The following RAPGEF3 variants were observed in gnomAD, a reference collection of about 807,000 sequenced individuals.
RAPGEF3 encodes 9330170P05Rik.
In RAPGEF3, 103 loss-of-function variants were observed where a neutral mutation model predicts 129.8. The observed-to-expected ratio is 0.79, with a 90% CI of 0.68 to 0.93. RAPGEF3 has a LOEUF of 0.93. Among genes scored for constraint, RAPGEF3 ranks in the 40% least tolerant of loss-of-function variants. The pLI, the probability that RAPGEF3 is intolerant of heterozygous loss-of-function variation, is 0.00. For synonymous variants in RAPGEF3, 436 were observed against 482.6 expected, an observed-to-expected ratio of 0.90 and a Z score of 1.26; for missense variants, 1,117 against 1,207.4, an observed-to-expected ratio of 0.93 and a Z score of 1.11.
intron 2 of RAPGEF3, chr12:47,752,942 C>T (rs74088046): frequency 0.028 from 4,321 of 152,248 alleles, 95 homozygotes; most frequent in East Asian, 0.13. Context: ...CGGGCCTGTA[C>T]GCCCTGGAAT....
chr12:47,748,942 G>A lies in RAPGEF3; in HGVS notation c.1042-11C>T, dbSNP rs1191203502. 3 of 1,593,024 alleles carry A rather than the reference G, an allele frequency of 1.9e-6. No individual in the cohort carries two copies. In the Admixed American group the frequency reaches 5.0e-5, roughly 27 times the overall value. On this transcript the variant is annotated splice_polypyrimidine_tract_variant and intron_variant, in intron 10 of 27. Coordinates refer to ENST00000449771, the MANE Select transcript of RAPGEF3 (RefSeq NM_001098531.4). ...CTTTGCCTCCACATCCTGGAGAACA[G>A]GCCACATCCCATGCTCAACTCATGA...
rs375297238 is a variant in RAPGEF3, at chr12:47,751,164, G to C, written c.555C>G (p.Pro185=). ...TTCTCACGGGCTCGGGCTCGGGCCC[G>C]GGGAACCGGTAGAATTGGGCATCTC... The part of the protein sequence containing the change: ...QDRDAQFYRF[P]GPEPEPVRTH... Residue 185 remains proline, a synonymous_variant, in exon 6 of 28, where the codon CCC becomes CCG. Transcript: ENST00000449771. 1.3e-6 allele frequency: 2 copies of C among 1,555,416 alleles called. No individual in the cohort carries two copies. Among genetic ancestry groups the C allele is most frequent in the Non-Finnish European group, 1.7e-6 (2 of 1,149,416 alleles).
In RAPGEF3 at chr12:47,749,449, G is replaced by A. The variant is rs766946867; in HGVS notation, c.982C>T (p.Arg328Ter). Residue 328 changes from arginine (R) to a stop codon, truncating the protein, a stop_gained, in exon 10 of 28, where the codon CGA becomes TGA. Coordinates refer to ENST00000449771, the MANE Select transcript of RAPGEF3 (RefSeq NM_001098531.4). LOFTEE classifies it high-confidence loss of function. The surrounding 1 kb of genome is among the most constrained non-coding windows in gnomAD (Gnocchi z 4.5). ...DAPRAATIIL[R>*]EDNCHFLRVD... ...CGCAGGAAATGACAGTTGTCTTCTC[G>A]CAGGATGATGGTGGCTGCCCGGGGT... The A allele has an allele frequency of 2.1e-5, 34 of 1,613,210 alleles. No individual in the cohort carries two copies. Among genetic ancestry groups the A allele is most frequent in the Middle Eastern group, 1.6e-4 (1 of 6,080 alleles).
chr12:47,741,100 G>A (rs925449522), intron 19 of RAPGEF3, 60 bp from the exon 20 acceptor site: 10 of 1,568,648 alleles, frequency 6.4e-6, no homozygotes, highest in Middle Eastern at 3.5e-4. Flanking sequence ...GCACAGGGTA[G>A]GGGGAGAGGG....
intron 18 of RAPGEF3, among the ~76,000 whole-genome samples, chr12:47,743,274 C>A (rs1042410959): frequency 6.6e-6 from 1 of 152,196 alleles, no homozygotes; most frequent in Non-Finnish European, 1.5e-5. Context: ...GATGAAGTAC[C>A]CTGCCAGAGG....
chr12:47,757,948 C>G lies in RAPGEF3; in HGVS notation c.137G>C (p.Arg46Thr). Residue 46 changes from arginine (R) to threonine (T), a missense_variant, in exon 2 of 28, where the codon AGA becomes ACA. Physicochemically the swap from Arg to Thr is moderately conservative, Grantham distance 71 (BLOSUM62 -1). Coordinates refer to ENST00000449771, the MANE Select transcript of RAPGEF3 (RefSeq NM_001098531.4). ...PEGTLLNMVL[R>T]RMHRPRSCSY... ...GCAGCTTCGGGGCCGGTGCATCCTT[C>G]TCAACACCATGTTGAGTAGTGTCCC... is the stretch of plus-strand genomic sequence containing the variant. 1 of 1,559,272 alleles carries G rather than the reference C, an allele frequency of 6.4e-7. No homozygotes were observed. The highest frequency in any genetic ancestry group is 2.4e-5 in the East Asian group (1 of 41,844).
In RAPGEF3 at chr12:47,741,513, G is replaced by A; in HGVS notation, c.1915C>T (p.His639Tyr). The A allele has an allele frequency of 6.2e-7, 1 of 1,613,928 alleles. No homozygotes were observed. Among genetic ancestry groups the A allele is most frequent in the African/African-American group, 1.3e-5 (1 of 75,054 alleles). ...RLFVVNPQEV[H>Y]ELIPHPDQLG... is the part of the protein sequence containing the mutation. ...CCCTGCCTGGTCCCTACCAGCTCAT[G>A]CACTTCCTGTGGGTTGACAACAAAG... The change falls in exon 19 of 28, where the codon CAT becomes TAT. Residue 639 changes from histidine to tyrosine, a missense_variant. Coordinates refer to ENST00000449771, the MANE Select transcript of RAPGEF3 (RefSeq NM_001098531.4).
rs368466581 is a variant in RAPGEF3 at position 47,745,993 on chromosome 12, G to T, written c.1596+867C>A. On this transcript the variant is annotated intron_variant, in intron 16 of 27. Transcript: ENST00000449771. ...GGCAAAGAAAACAACTCCACATGGC[G>T]AGAGTGCTTTGAAGAAAATCACAGA... The T allele has an allele frequency of 1.4e-3, 207 of 152,514 alleles. 5 individuals are homozygous for T. In the South Asian group the frequency reaches 0.041, roughly 30 times the overall value. 9.4% of individuals were successfully genotyped at this position (152,514 alleles called of 1,614,324 possible). A position where few individuals can be genotyped will look rare whatever the true frequency, so the allele number is the denominator to read the frequency against.
At chr12:47,748,204 G>GTCCATACACCTGTGCTC in intron 12 of RAPGEF3, 52 bp from the exon 13 acceptor site, 2 of 1,399,766 alleles carry the variant, frequency 1.4e-6, no homozygotes, top group Non-Finnish European at 2.0e-6. Flanking sequence ...CAAGTCTGCT[G>GTCCATACACCTGTGCTC]AGCACAGGTG....
Position 47,747,630 on chromosome 12 carries a change from A to C in RAPGEF3, c.1474-4T>G, listed in dbSNP as rs1300396697. 6.2e-7 allele frequency: 1 copy of C among 1,613,770 alleles called. No homozygotes were observed. Among genetic ancestry groups the C allele is most frequent in the East Asian group, 2.2e-5 (1 of 44,882 alleles). Reference sequence around the variant, plus strand: ...TGCCCACCAGGTCTGAGAGTTTCTAAGAAGAGCCAAGATTCACTGAGATGG... The same window carrying C: ...TGCCCACCAGGTCTGAGAGTTTCTACGAAGAGCCAAGATTCACTGAGATGG... On this transcript the variant is annotated splice_polypyrimidine_tract_variant and splice_region_variant and intron_variant, in intron 14 of 27. Transcript: ENST00000449771.
Position 47,751,535 on chromosome 12 carries a change from AG to A in RAPGEF3, c.381-16del. 1 of 1,614,182 alleles carries A rather than the reference AG, an allele frequency of 6.2e-7. No homozygotes were observed. The highest frequency in any genetic ancestry group is 8.5e-7 in the Non-Finnish European group (1 of 1,179,998). On this transcript the variant is annotated splice_polypyrimidine_tract_variant and intron_variant, in intron 4 of 27. Coordinates refer to ENST00000449771, the MANE Select transcript of RAPGEF3 (RefSeq NM_001098531.4). Reference sequence around the variant, plus strand: ...AGCAGCACTGCCTATGGAAGGTAGAAGGGGACAGGCCAGTGGAAGGAGGGTG... The same window carrying A: ...AGCAGCACTGCCTATGGAAGGTAGAAGGGACAGGCCAGTGGAAGGAGGGTG...
chr12:47,743,685 G>C lies in RAPGEF3; in HGVS notation c.1679-9C>G. On this transcript the variant is annotated splice_polypyrimidine_tract_variant and intron_variant, in intron 17 of 27. Transcript: ENST00000449771. Reference sequence around the variant, plus strand: ...GCAGATGTCATAGGGGACTGAAGAGGAGACCAGACTGAGCTGTGGGAAGGG... The same window carrying C: ...GCAGATGTCATAGGGGACTGAAGAGCAGACCAGACTGAGCTGTGGGAAGGG... The C allele has an allele frequency of 6.2e-7, 1 of 1,602,734 alleles. No individual in the cohort carries two copies. Among genetic ancestry groups the C allele is most frequent in the Non-Finnish European group, 8.5e-7 (1 of 1,170,828 alleles).
intron 16 of RAPGEF3, chr12:47,746,599 A>C: frequency 1.4e-6 from 1 of 700,198 alleles, no homozygotes; most frequent in Non-Finnish European, 2.6e-6. Flanking sequence ...GGCATGAATT[A>C]CCTCCCAAAA....
Position 47,758,039 on chromosome 12 carries a change from C to G in RAPGEF3, c.46G>C (p.Ala16Pro), listed in dbSNP as rs11168230. Reference protein sequence around the residue: ...PGESCWQVGLAVEDSPALGAP... With the variant: ...PGESCWQVGLPVEDSPALGAP... The stretch of plus-strand genomic sequence containing the variant: ...CCCAGAGCTGGGCTATCCTCCACAG[C>G]CAGGCCCACCTGCCAGCAGCTCTCA... The change falls in exon 2 of 28, where the codon GCT (alanine) becomes CCT (proline). Residue 16 changes from alanine to proline, a missense_variant. This residue lies in a region of RAPGEF3 where 367 missense variants were observed against 373.4 expected (regional missense o/e 0.98). Transcript: ENST00000449771. The G allele has an allele frequency of 0.31, 492,011 of 1,574,236 alleles. 78,500 individuals are homozygous for G. The highest frequency in any genetic ancestry group is 0.46 in the Middle Eastern group (2,647 of 5,710).
Position 47,737,677 on chromosome 12 carries a change from G to T in RAPGEF3, c.2662C>A (p.Gln888Lys). 1 of 1,613,118 alleles carries T rather than the reference G, an allele frequency of 6.2e-7. No homozygotes were observed. ...QVARISTCSE[Q>K]SLSTRSPAST... ...GCTGGACTCCGGGTGCTCAGGGACTGCTCCGAGCCTGGTGGAGGAGAGTAG... is the reference window on the plus strand; with the variant it reads ...GCTGGACTCCGGGTGCTCAGGGACTTCTCCGAGCCTGGTGGAGGAGAGTAG... Residue 888 changes from glutamine (Q) to lysine (K), a missense_variant, in exon 28 of 28, where the codon CAG becomes AAG. Physicochemically the swap from Gln to Lys is moderately conservative, Grantham distance 53 (BLOSUM62 1). This residue lies in a region of RAPGEF3 where 643 missense variants were observed against 673.4 expected (regional missense o/e 0.95). Transcript: ENST00000449771.
chr12:47,754,412 G>A (rs1224788508), intron 2 of RAPGEF3, among the ~76,000 whole-genome samples: 1 of 152,228 alleles, frequency 6.6e-6, no homozygotes, highest in African/African-American at 2.4e-5. Context: ...CTTCTAGGAT[G>A]GGGCGGAGAG....
At chr12:47,754,993 G>A (rs146896633) in intron 2 of RAPGEF3, among the ~76,000 whole-genome samples, 1 of 152,356 alleles carries the variant, frequency 6.6e-6, no homozygotes, top group Non-Finnish European at 1.5e-5. Flanking sequence ...CTGGGGACCT[G>A]TCAGACCAGT....
chr12:47,740,886 C>T, intron 20 of RAPGEF3, 29 bp downstream of exon 20: 2 of 1,613,788 alleles, frequency 1.2e-6, no homozygotes, highest in African/African-American at 1.3e-5. Context: ...CCGCCGCCTG[C>T]TCTCCTCCCC....
At chr12:47,746,822 G>A (rs534013863) in intron 16 of RAPGEF3, 38 bp downstream of exon 16, 2 of 1,569,428 alleles carry the variant, frequency 1.3e-6, no homozygotes, top group South Asian at 1.2e-5. Context: ...CTGCAGTCCA[G>A]GAGGAGCAGA....
Sources: allele counts gnomAD v4.1 joint callset (sites outside exome capture counted in the v4.1 genomes callset), GRCh38; gene constraint gnomAD v4.1.1; regional missense constraint gnomAD v4.1.1; non-coding constraint Gnocchi (gnomAD v3.1); transcripts MANE v1.5; gene names NCBI Gene and HGNC (gene_info 2026-07-23, HGNC 2026-07-21).